Variants in KCNIP4 observed in about 807,000 individuals in gnomAD.
The protein encoded by KCNIP4 is Kv channel-interacting protein 4.
KCNIP4 carries 12 observed loss-of-function variants against 34.0 expected under a neutral mutation model. The observed-to-expected ratio is 0.35, with a 90% confidence interval of 0.23 to 0.57. The LOEUF is 0.57. Ranked by LOEUF, KCNIP4 falls within the 20% of genes least tolerant of loss-of-function variation. KCNIP4 has a pLI of 0.83. For synonymous variants in KCNIP4, 124 were observed against 102.2 expected, an observed-to-expected ratio of 1.21 and a Z score of -1.29; for missense variants, 238 against 311.7, an observed-to-expected ratio of 0.76 and a Z score of 1.78.
intron 1 of KCNIP4, among the ~76,000 whole-genome samples, chr4:21,482,543 A>C (rs1731522837): frequency 6.6e-6 from 1 of 152,048 alleles, no homozygotes; most frequent in Non-Finnish European, 1.5e-5. Context: ...CTTGTCTGTA[A>C]AGTATTTTAT....
intron 1 of KCNIP4, among the ~76,000 whole-genome samples, chr4:21,819,165 C>CT (rs764614977): frequency 2.6e-5 from 4 of 152,306 alleles, no homozygotes; most frequent in East Asian, 3.9e-4. Context: ...GGTTAAAACC[C>CT]TGCCAGGGCT....
At chr4:21,188,309 C>T (rs1204407288) in intron 1 of KCNIP4, among the ~76,000 whole-genome samples, 1 of 152,068 alleles carries the variant, frequency 6.6e-6, no homozygotes, top group Admixed American at 6.5e-5. Flanking sequence ...CTTGACTAGC[C>T]ATATCCTGCT....
At chr4:20,803,525 C>T (rs13105495) in intron 3 of KCNIP4, among the ~76,000 whole-genome samples, 3,076 of 140,428 alleles carry the variant, frequency 0.022, 57 homozygotes, top group Middle Eastern at 0.079. Context: ...GGTGTGGTGT[C>T]ATGTGCCTGT....
At chr4:21,174,286 G>A (rs182758515) in intron 1 of KCNIP4, among the ~76,000 whole-genome samples, 29 of 152,324 alleles carry the variant, frequency 1.9e-4, no homozygotes, top group Admixed American at 1.5e-3. Context: ...GAGAAGAAGC[G>A]TGGTATTTTA....
At chr4:21,592,224 C>T (rs376577258) in intron 1 of KCNIP4, among the ~76,000 whole-genome samples, 1 of 152,052 alleles carries the variant, frequency 6.6e-6, no homozygotes, top group African/African-American at 2.4e-5. Flanking sequence ...GTGAAATCCT[C>T]AGAATGTGGC....
chr4:21,037,594 T>G (rs1741562935), intron 1 of KCNIP4, among the ~76,000 whole-genome samples: 1 of 152,260 alleles, frequency 6.6e-6, no homozygotes, highest in Admixed American at 6.5e-5. Context: ...GACGAAATTA[T>G]GTAATGATGC....
At chr4:20,870,133 G>A (rs1315682064) in intron 2 of KCNIP4, among the ~76,000 whole-genome samples, 2 of 152,118 alleles carry the variant, frequency 1.3e-5, no homozygotes, top group African/African-American at 2.4e-5. Context: ...AAGACACAGA[G>A]TGATAAGGTT....
rs4582146 is a variant in KCNIP4 at position 21,071,912 on chromosome 4, G to A, written c.62-189203C>T. Among the ~76,000 whole-genome samples the A allele has an allele frequency of 3.0e-3, 451 of 152,168 alleles. 1 individual carries two copies. The highest frequency in any genetic ancestry group is 5.6e-3 in the Non-Finnish European group (382 of 68,020). ...GTGGTGTTTGGTTTTTTGTCCTTGC[G>A]ATAGTTTGCTGAGAATGATGGTTTA... On this transcript the variant is annotated intron_variant, in intron 1 of 8. Transcript: ENST00000382152.
At chr4:21,247,952 C>A (rs1760408223) in intron 1 of KCNIP4, among the ~76,000 whole-genome samples, 1 of 133,574 alleles carries the variant, frequency 7.5e-6, no homozygotes, top group Non-Finnish European at 1.5e-5. Context: ...TATATACACA[C>A]ACATATATAT....
intron 1 of KCNIP4, among the ~76,000 whole-genome samples, chr4:21,832,608 CT>C (rs5856673): frequency 0.86 from 128,763 of 149,696 alleles, 55,615 homozygotes; most frequent in Admixed American, 0.9. Context: ...TATTATCATA[CT>C]TTTAAGTTTT....
At chr4:21,054,235 G>C (rs924987868) in intron 1 of KCNIP4, among the ~76,000 whole-genome samples, 1 of 151,990 alleles carries the variant, frequency 6.6e-6, no homozygotes, top group Admixed American at 6.6e-5. Flanking sequence ...AATAAACAAA[G>C]AGGCTGGGCA....
At chr4:21,553,388 T>C (rs1738735923) in intron 1 of KCNIP4, among the ~76,000 whole-genome samples, 1 of 152,124 alleles carries the variant, frequency 6.6e-6, no homozygotes, top group African/African-American at 2.4e-5. Flanking sequence ...GCTGTAATAA[T>C]TGCATATCTT....
chr4:21,686,584 TATGA>T (rs1560628443), intron 1 of KCNIP4, among the ~76,000 whole-genome samples: 1 of 152,138 alleles, frequency 6.6e-6, no homozygotes, highest in East Asian at 1.9e-4. Flanking sequence ...CCATAAGATG[TATGA>T]CTTTTTAAAT....
intron 1 of KCNIP4, among the ~76,000 whole-genome samples, chr4:21,083,716 C>T (rs1284186806): frequency 6.6e-6 from 1 of 151,926 alleles, no homozygotes; most frequent in Non-Finnish European, 1.5e-5. Flanking sequence ...TTAATTCTGG[C>T]TTCTGGCCTT....
intron 1 of KCNIP4, among the ~76,000 whole-genome samples, chr4:21,141,296 A>G (rs979402394): frequency 6.6e-6 from 1 of 152,162 alleles, no homozygotes; most frequent in East Asian, 1.9e-4. Context: ...AAAATACATA[A>G]TATCTGCAAA....
chr4:20,982,087 C>T (rs747944784), intron 1 of KCNIP4, among the ~76,000 whole-genome samples: 11 of 152,156 alleles, frequency 7.2e-5, no homozygotes, highest in East Asian at 1.9e-4. Context: ...AAAGCTGAAT[C>T]GTTGCCCGGG....
chr4:21,476,440 G>T (rs1035229298), intron 1 of KCNIP4, among the ~76,000 whole-genome samples: 2 of 152,090 alleles, frequency 1.3e-5, no homozygotes, highest in African/African-American at 4.8e-5. Context: ...TAGAACTTTG[G>T]CCTCATAAGA....
chr4:21,218,617 G>A (rs900500387), intron 1 of KCNIP4, among the ~76,000 whole-genome samples: 2 of 152,118 alleles, frequency 1.3e-5, no homozygotes, highest in African/African-American at 2.4e-5. Context: ...CTAAGACCAT[G>A]AGGAAATCTA....
At position 20,729,324 on chromosome 4, in the gene KCNIP4, T is replaced by TAATG. The variant is rs1416333159; in HGVS notation, c.*754_*757dup. The TAATG allele has an allele frequency of 1.3e-5, 2 of 151,428 alleles. No individual in the cohort carries two copies. Among genetic ancestry groups the TAATG allele is most frequent in the Non-Finnish European group, 2.9e-5 (2 of 67,948 alleles). 9.4% of individuals were successfully genotyped at this position (151,428 alleles called of 1,614,324 possible). A position where few individuals can be genotyped will look rare whatever the true frequency, so the allele number is the denominator to read the frequency against. On this transcript the variant is annotated 3_prime_UTR_variant, in exon 9 of 9. Transcript: ENST00000382152. ...TCAACTTCCACTTAATGATTGATAC[T>TAATG]AATGATTGATACAATAGAAAACAGC...
Sources: gnomAD v4.1 joint callset for allele counts (sites outside exome capture counted in the v4.1 genomes callset) on GRCh38, gnomAD v4.1.1 for gene constraint, MANE v1.5 for transcripts, NCBI Gene and HGNC (gene_info 2026-07-23, HGNC 2026-07-21) for gene names.